Variants in ASIC4 observed in about 807,000 individuals in gnomAD.
ASIC4 encodes the protein acid-sensing ion channel 4.
A neutral mutation model predicts 53.4 loss-of-function variants in ASIC4; 28 were observed. The ratio of observed to expected loss-of-function variants is 0.52; its 90% CI spans 0.39 to 0.72. The LOEUF is 0.72. ASIC4 is among the 30% of genes least tolerant of loss of function. The pLI, the probability that ASIC4 is intolerant of heterozygous loss-of-function variation, is 0.00. For synonymous variants in ASIC4, 289 were observed against 301.4 expected, an observed-to-expected ratio of 0.96 and a Z score of 0.43; for missense variants, 649 against 729.7, an observed-to-expected ratio of 0.89 and a Z score of 1.27.
chr2:219,523,787 A>T (rs1694924919), intron 1 of ASIC4, among the ~76,000 whole-genome samples: 1 of 151,754 alleles, frequency 6.6e-6, no homozygotes, highest in Non-Finnish European at 1.5e-5. Context: ...TGCCTGGTGC[A>T]GTTCAAAGTG....
At chr2:219,521,528 A>G (rs79501151) in intron 1 of ASIC4, among the ~76,000 whole-genome samples, 5,608 of 152,086 alleles carry the variant, frequency 0.037, 342 homozygotes, top group African/African-American at 0.13. Context: ...AGGATCAGGA[A>G]TGGAGAGGCA....
Position 219,537,906 on chromosome 2 carries a change from C to T in ASIC4, c.1507-27C>T, listed in dbSNP as rs758893984. 3 of 1,566,020 alleles carry T rather than the reference C, an allele frequency of 1.9e-6. No homozygotes were observed. The highest frequency in any genetic ancestry group is 2.3e-5 in the South Asian group (2 of 85,662). On this transcript the variant is annotated intron_variant, in intron 9 of 9. Coordinates refer to ENST00000358078, the MANE Select transcript of ASIC4 (RefSeq NM_018674.6). The surrounding 1 kb of genome is among the most constrained non-coding windows in gnomAD (Gnocchi z 4.9). ...GGGCACCACTTGAGCTCTCCCGGTC[C>T]CACTCTCTCTTTTCTTTCTCCTGCA...
rs1490537163 is a variant in ASIC4, at chr2:219,536,542, T to C, written c.1230-524T>C. On this transcript the variant is annotated intron_variant, in intron 6 of 9. Transcript: ENST00000358078. This position sits in a 1 kb window ranked among gnomAD's most constrained non-coding sequence, Gnocchi z 4.6. ...GGCGTGAGCCGGCCTCTGAGGGCCC[T>C]GGGTTTGGGGTCTGAGAGAGGAGGC... Among the ~76,000 whole-genome samples the C allele has an allele frequency of 1.4e-5, 2 of 145,572 alleles. No homozygotes were observed. The highest frequency in any genetic ancestry group is 5.2e-5 in the African/African-American group (2 of 38,756).
Position 219,518,216 on chromosome 2 carries a change from G to A in ASIC4, c.582+2910G>A, listed in dbSNP as rs556367354. Reference sequence around the variant, plus strand: ...CTGTCCTCAAGCAGCCTATAGTCTCGTAGAGTGGGGACAGGGACACTCAGA... The same window carrying A: ...CTGTCCTCAAGCAGCCTATAGTCTCATAGAGTGGGGACAGGGACACTCAGA... On this transcript the variant is annotated intron_variant, in intron 1 of 9. Coordinates refer to ENST00000358078, the MANE Select transcript of ASIC4 (RefSeq NM_018674.6). The surrounding 1 kb of genome is among the most constrained non-coding windows in gnomAD (Gnocchi z 4.8). 1.4e-4 allele frequency among the ~76,000 whole-genome samples: 22 copies of A among 152,306 alleles called. No homozygotes were observed. The highest frequency in any genetic ancestry group is 5.1e-4 in the African/African-American group (21 of 41,564).
intron 6 of ASIC4, 137 bp downstream of exon 6, chr2:219,535,461 G>A (rs529385503): frequency 4.8e-6 from 5 of 1,052,512 alleles, no homozygotes; most frequent in East Asian, 5.4e-5. Context: ...GTGTGGGTGT[G>A]TATGTGTGTG....
In ASIC4 at chr2:219,538,003, C is replaced by G; in HGVS notation, c.1577C>G (p.Pro526Arg). ...VSSLLPNHHH[P>R]HGPPGGLFED... is the part of the protein sequence containing the mutation. Reference sequence around the variant, plus strand: ...AGTCTGCTCCCCAATCACCACCACCCCCACGGTCCCCCAGGAGGTCTCTTT... The same window carrying G: ...AGTCTGCTCCCCAATCACCACCACCGCCACGGTCCCCCAGGAGGTCTCTTT... Residue 526 changes from proline (P) to arginine (R), a missense_variant, in exon 10 of 10, where the codon CCC becomes CGC. By Grantham distance (103) the Pro-to-Arg change is moderately radical. Coordinates refer to ENST00000358078, the MANE Select transcript of ASIC4 (RefSeq NM_018674.6). 6.2e-7 allele frequency: 1 copy of G among 1,613,324 alleles called. No individual in the cohort carries two copies. Among genetic ancestry groups the G allele is most frequent in the South Asian group, 1.1e-5 (1 of 90,812 alleles).
Position 219,532,474 on chromosome 2 carries a change from C to A in ASIC4, c.1015C>A (p.Pro339Thr), listed in dbSNP as rs776722511. Residue 339 changes from proline (P) to threonine (T), a missense_variant, in exon 4 of 10, where the codon CCA becomes ACA. Pro to Thr is a conservative substitution (Grantham distance 38, BLOSUM62 -1). Transcript: ENST00000358078. The stretch of plus-strand genomic sequence containing the variant: ...CTGCCACTGCCGGATGGTGCACATG[C>A]CAGGTGGGCACCCCACCCCCAGCCA... ...QRCHCRMVHM[P>T]GNETICPPNI... 6.2e-7 allele frequency: 1 copy of A among 1,608,158 alleles called. No homozygotes were observed. Among genetic ancestry groups the A allele is most frequent in the Admixed American group, 1.7e-5 (1 of 59,916 alleles).
At position 219,531,811 on chromosome 2, in the gene ASIC4, G is replaced by A. The variant is rs142000463; in HGVS notation, c.636G>A (p.Ser212=). ...CYTFNADPRS[S]LPSRAGGMGS... ...CCTTCAACGCGGACCCGCGGAGCTCGCTGCCCAGCCGGGCAGGGGGCATGG... is the reference window on the plus strand; with the variant it reads ...CCTTCAACGCGGACCCGCGGAGCTCACTGCCCAGCCGGGCAGGGGGCATGG... The change falls in exon 2 of 10, where the codon TCG becomes TCA. Residue 212 remains serine (S), a synonymous_variant. Transcript: ENST00000358078. 1.1e-5 allele frequency: 18 copies of A among 1,613,430 alleles called. No homozygotes were observed. Among genetic ancestry groups the A allele is most frequent in the Middle Eastern group, 1.7e-4 (1 of 6,058 alleles).
intron 1 of ASIC4, among the ~76,000 whole-genome samples, chr2:219,515,512 G>A (rs1230990472): frequency 1.3e-5 from 2 of 152,232 alleles, no homozygotes; most frequent in Non-Finnish European, 2.9e-5. Context: ...GGCTTACCCT[G>A]GGGCGCCTGC....
the ASIC4 span, among the ~76,000 whole-genome samples, chr2:219,509,079 C>G: frequency 6.6e-6 from 1 of 151,776 alleles, no homozygotes; most frequent in East Asian, 2.0e-4. The surrounding 1 kb of genome is among the most constrained non-coding windows in gnomAD (Gnocchi z 5.2). Context: ...GGGAGGCTGG[C>G]CAGGACAGGG....
the ASIC4 span, among the ~76,000 whole-genome samples, chr2:219,508,821 G>A: frequency 6.6e-6 from 1 of 151,170 alleles, no homozygotes; most frequent in Non-Finnish European, 1.5e-5. Flanking sequence ...GATGAGCGGG[G>A]GAGGGATGCG....
rs1695135247 is a variant in ASIC4, at chr2:219,536,280, C to T, written c.1230-786C>T. ...ACGGAGGGAGAGGGACAGGATGAGA[C>T]AGGAGAGGAACACAGTACCCTGCAG... On this transcript the variant is annotated intron_variant, in intron 6 of 9. Transcript: ENST00000358078. The surrounding 1 kb of genome is among the most constrained non-coding windows in gnomAD (Gnocchi z 4.6). Among the ~76,000 whole-genome samples the T allele has an allele frequency of 6.6e-6, 1 of 152,190 alleles. No individual in the cohort carries two copies. Among genetic ancestry groups the T allele is most frequent in the South Asian group, 2.1e-4 (1 of 4,826 alleles).
Position 219,533,146 on chromosome 2 carries a change from G to A in ASIC4, c.1075+207G>A. 9.8e-6 allele frequency: 6 copies of A among 614,262 alleles called. No individual in the cohort carries two copies. The South Asian group carries it at 1.1e-4, about 12-fold the overall frequency. The allele number at this position is 614,262 out of a possible 1,614,324, so 38.1% of individuals were successfully genotyped here. A position where few individuals can be genotyped will look rare whatever the true frequency, so the allele number is the denominator to read the frequency against. ...GACACTTGGGTAAGTGGAGGCAGCA[G>A]GGTGGGGGGTTGCAGAGAAGCCAGG... On this transcript the variant is annotated intron_variant, in intron 5 of 9. Coordinates refer to ENST00000358078, the MANE Select transcript of ASIC4 (RefSeq NM_018674.6).
chr2:219,510,289 C>T (rs1024973549), upstream of ASIC4, among the ~76,000 whole-genome samples: 1 of 151,734 alleles, frequency 6.6e-6, no homozygotes, highest in Non-Finnish European at 1.5e-5. The surrounding 1 kb of genome is among the most constrained non-coding windows in gnomAD (Gnocchi z 5.2). Context: ...CAGCAGCTTT[C>T]GCTGCTGCAA....
Position 219,536,999 on chromosome 2 carries a change from A to G in ASIC4, c.1230-67A>G, listed in dbSNP as rs116173647. On this transcript the variant is annotated intron_variant, in intron 6 of 9. Coordinates refer to ENST00000358078, the MANE Select transcript of ASIC4 (RefSeq NM_018674.6). The surrounding 1 kb of genome is among the most constrained non-coding windows in gnomAD (Gnocchi z 4.6). The stretch of plus-strand genomic sequence containing the variant: ...TCTCTGATCAGGATCTGCTGGATCC[A>G]GGATGCCCCTGCCAGCCTTCTCAGG... The G allele has an allele frequency of 6.0e-4, 828 of 1,391,316 alleles. 5 individuals carry two copies. The African/African-American group carries it at 0.01, about 17-fold the overall frequency. The allele number at this position is 1,391,316 out of a possible 1,614,324, so 86.2% of individuals were successfully genotyped here. A position where few individuals can be genotyped will look rare whatever the true frequency, so the allele number is the denominator to read the frequency against.
the ASIC4 span, among the ~76,000 whole-genome samples, chr2:219,507,429 C>A: frequency 1.3e-5 from 2 of 152,226 alleles, no homozygotes; most frequent in East Asian, 3.9e-4. Context: ...CTGCTCCCAG[C>A]TTGGCTTTTG....
At chr2:219,532,748 T>G in intron 4 of ASIC4, 135 bp from the exon 5 acceptor site, 1 of 928,854 alleles carries the variant, frequency 1.1e-6, no homozygotes, top group Admixed American at 2.4e-5. Context: ...TTGTGGGGGT[T>G]GTGTGTGTGG....
upstream of ASIC4, among the ~76,000 whole-genome samples, chr2:219,511,610 G>T (rs879405085): frequency 7.9e-5 from 12 of 152,264 alleles, no homozygotes; most frequent in Middle Eastern, 6.8e-3. The surrounding 1 kb of genome is among the most constrained non-coding windows in gnomAD (Gnocchi z 5.3). Flanking sequence ...CCAGTCCAGG[G>T]TCCCTAACAG....
rs764813818 is a variant in ASIC4, at chr2:219,531,795, C to T, written c.620C>T (p.Ala207Val). The change falls in exon 2 of 10, where the codon GCG (alanine) becomes GTG (valine). Residue 207 changes from alanine to valine, a missense_variant. Transcript: ENST00000358078. ...TATGGGAAGTGTTACACCTTCAACG[C>T]GGACCCGCGGAGCTCGCTGCCCAGC... Reference protein sequence around the residue: ...TRYGKCYTFNADPRSSLPSRA... With the variant: ...TRYGKCYTFNVDPRSSLPSRA... 18 of 1,612,482 alleles carry T rather than the reference C, an allele frequency of 1.1e-5. No homozygotes were observed. Among genetic ancestry groups the T allele is most frequent in the Admixed American group, 3.3e-5 (2 of 59,730 alleles).
Sources: gnomAD v4.1 joint callset for allele counts (sites outside exome capture counted in the v4.1 genomes callset) on GRCh38, gnomAD v4.1.1 for gene constraint, Gnocchi (gnomAD v3.1) non-coding constraint, MANE v1.5 for transcripts, NCBI Gene and HGNC (gene_info 2026-07-23, HGNC 2026-07-21) for gene names.